Variants in SLX4IP observed in about 807,000 individuals in gnomAD.
SLX4IP encodes protein SLX4IP.
A neutral mutation model predicts 32.9 loss-of-function variants in SLX4IP; 34 were observed. The ratio of observed to expected loss-of-function variants is 1.03; its 90% confidence interval spans 0.79 to 1.38. The LOEUF (loss-of-function observed/expected upper bound fraction) is 1.38. Among genes scored for constraint, SLX4IP ranks in the 40% most tolerant of loss-of-function variants. The pLI, the probability that SLX4IP is intolerant of heterozygous loss-of-function variation, is 0.00. For missense variants in SLX4IP, 444 were observed against 479.0 expected, an observed-to-expected ratio of 0.93 and a Z score of 0.68; for synonymous variants, 172 against 171.7, an observed-to-expected ratio of 1.00 and a Z score of -0.01.
Position 10,626,684 on chromosome 20 carries a change from G to T in SLX4IP, c.*3305G>T, listed in dbSNP as rs1030507298. 2.6e-5 allele frequency: 4 copies of T among 152,156 alleles called. No homozygotes were observed. The highest frequency in any genetic ancestry group is 1.9e-4 in the East Asian group (1 of 5,194). 9.4% of individuals were successfully genotyped at this position (152,156 alleles called of 1,614,324 possible). ...CATTTTCTTATCTTTGCCACTGGAG[G>T]TTAACTGTCGTCCAGATATGCATAT... On this transcript the variant is annotated 3_prime_UTR_variant, in exon 8 of 8. Coordinates refer to ENST00000334534, the MANE Select transcript of SLX4IP (RefSeq NM_001009608.3).
intron 2 of SLX4IP, among the ~76,000 whole-genome samples, chr20:10,491,071 T>TAA (rs76179946): frequency 4.1e-4 from 62 of 150,706 alleles, no homozygotes; most frequent in Non-Finnish European, 5.3e-4. Context: ...GGCTCCACTT[T>TAA]AAAAAAAAAC....
chr20:10,586,947 G>A (rs764000210), intron 4 of SLX4IP, among the ~76,000 whole-genome samples: 3 of 151,882 alleles, frequency 2.0e-5, no homozygotes, highest in Non-Finnish European at 4.4e-5. Context: ...AGGACAGTTC[G>A]CCCCAAAATT....
At chr20:10,587,829 A>C (rs184342513) in intron 4 of SLX4IP, among the ~76,000 whole-genome samples, 4 of 152,170 alleles carry the variant, frequency 2.6e-5, no homozygotes, top group Non-Finnish European at 5.9e-5. Flanking sequence ...TTTATCTTAT[A>C]CCATACACAA....
rs1568781341 is a variant in SLX4IP, at chr20:10,623,490, T to C, written c.*111T>C. ...TAAAGGAATTAATTAGAATGACTAA[T>C]TTAAATAGGAAGTGTGTTATCTGTG... On this transcript the variant is annotated 3_prime_UTR_variant, in exon 8 of 8. Transcript: ENST00000334534. The C allele has an allele frequency of 9.8e-6, 14 of 1,422,016 alleles. No individual in the cohort carries two copies. Among genetic ancestry groups the C allele is most frequent in the Non-Finnish European group, 1.3e-5 (14 of 1,068,480 alleles). The allele number at this position is 1,422,016 out of a possible 1,614,324, so 88.1% of individuals were successfully genotyped here.
At chr20:10,492,099 C>G (rs1330121762) in intron 2 of SLX4IP, among the ~76,000 whole-genome samples, 1 of 152,168 alleles carries the variant, frequency 6.6e-6, no homozygotes, top group Non-Finnish European at 1.5e-5. Context: ...TTTTATAACT[C>G]TATGCCATTT....
In SLX4IP at chr20:10,613,086, C is replaced by T. The variant is rs189871186; in HGVS notation, c.406-8228C>T. ...TGGGTAGAGAGCCTATTCTAACAGA[C>T]ACGCACATCGCAGAAAGCGGCATGA... is the stretch of plus-strand genomic sequence containing the variant. On this transcript the variant is annotated intron_variant, in intron 6 of 7. Transcript: ENST00000334534. 4 of 303,674 alleles carry T rather than the reference C, an allele frequency of 1.3e-5. No homozygotes were observed. In the East Asian group the frequency reaches 3.5e-4, roughly 27 times the overall value. 18.8% of individuals were successfully genotyped at this position (303,674 alleles called of 1,614,324 possible).
chr20:10,580,295 G>A (rs563044189), intron 4 of SLX4IP, among the ~76,000 whole-genome samples: 1 of 152,000 alleles, frequency 6.6e-6, no homozygotes, highest in African/African-American at 2.4e-5. Context: ...TGAACTCTAG[G>A]CGTCAGTCTA....
At chr20:10,455,561 C>G (rs566160398) in intron 1 of SLX4IP, among the ~76,000 whole-genome samples, 1 of 151,112 alleles carries the variant, frequency 6.6e-6, no homozygotes, top group South Asian at 2.1e-4. Context: ...CAATTTTATT[C>G]CAATTGACCT....
At chr20:10,545,647 A>G (rs1435094258) in intron 2 of SLX4IP, among the ~76,000 whole-genome samples, 1 of 152,160 alleles carries the variant, frequency 6.6e-6, no homozygotes, top group Non-Finnish European at 1.5e-5. Flanking sequence ...AAAAATTACC[A>G]CTGTGGGGGG....
chr20:10,452,680 A>AAAAT lies in SLX4IP; in HGVS notation c.-29-5495_-29-5494insAATA, dbSNP rs1326662021. On this transcript the variant is annotated intron_variant, in intron 1 of 7. Coordinates refer to ENST00000334534, the MANE Select transcript of SLX4IP (RefSeq NM_001009608.3). ...AAACTGTCTCAAAAAAAAAAAAAAAAATATATATATATATATGTAAATTAG... is the reference window on the plus strand; with the variant it reads ...AAACTGTCTCAAAAAAAAAAAAAAAAAAATATATATATATATATATGTAAATTAG... Among the ~76,000 whole-genome samples, 1,073 of 109,446 alleles carry AAAAT rather than the reference A, an allele frequency of 9.8e-3. 15 individuals are homozygous for AAAAT. Among genetic ancestry groups the AAAAT allele is most frequent in the Non-Finnish European group, 0.015 (810 of 55,284 alleles). The allele number at this position is 109,446 out of a possible 152,430, so 71.8% of individuals were successfully genotyped here. A position where few individuals can be genotyped will look rare whatever the true frequency, so the allele number is the denominator to read the frequency against.
intron 6 of SLX4IP, among the ~76,000 whole-genome samples, chr20:10,604,407 T>C (rs1053333875): frequency 5.9e-5 from 9 of 152,196 alleles, no homozygotes; most frequent in Non-Finnish European, 1.3e-4. Flanking sequence ...ATCTTTTTTT[T>C]TGGATTCTCA....
At chr20:10,607,401 T>G (rs1165013731) in intron 6 of SLX4IP, among the ~76,000 whole-genome samples, 1 of 152,204 alleles carries the variant, frequency 6.6e-6, no homozygotes, top group Non-Finnish European at 1.5e-5. Flanking sequence ...AGTAGAAAGA[T>G]TAGTGGGACA....
At chr20:10,456,006 A>G (rs1243853168) in intron 1 of SLX4IP, among the ~76,000 whole-genome samples, 2 of 152,194 alleles carry the variant, frequency 1.3e-5, no homozygotes, top group African/African-American at 4.8e-5. Context: ...CTGAATGCCA[A>G]CATAATGCCA....
intron 4 of SLX4IP, among the ~76,000 whole-genome samples, chr20:10,578,627 C>A (rs1255879222): frequency 1.3e-5 from 2 of 152,164 alleles, no homozygotes; most frequent in Non-Finnish European, 2.9e-5. Context: ...CATTCTGTAC[C>A]TGTATGTTTA....
chr20:10,525,597 TA>T (rs2065934404), intron 2 of SLX4IP, among the ~76,000 whole-genome samples: 1 of 152,242 alleles, frequency 6.6e-6, no homozygotes, highest in Admixed American at 6.5e-5. Flanking sequence ...TTTGGCGGAT[TA>T]GGGGGTGTTA....
Position 10,624,088 on chromosome 20 carries a change from A to G in SLX4IP, c.*709A>G, listed in dbSNP as rs1021150165. ...TCGGACTCCCTCAAACTCGTAAAAC[A>G]CTTGGGTTTGGTGTATGGGTCACTC... On this transcript the variant is annotated 3_prime_UTR_variant, in exon 8 of 8. Coordinates refer to ENST00000334534, the MANE Select transcript of SLX4IP (RefSeq NM_001009608.3). The G allele has an allele frequency of 6.6e-6, 1 of 152,120 alleles. No individual in the cohort carries two copies. Among genetic ancestry groups the G allele is most frequent in the Admixed American group, 6.5e-5 (1 of 15,270 alleles). 9.4% of individuals were successfully genotyped at this position (152,120 alleles called of 1,614,324 possible).
chr20:10,491,338 T>C (rs1017864838), intron 2 of SLX4IP, among the ~76,000 whole-genome samples: 2 of 152,196 alleles, frequency 1.3e-5, no homozygotes, highest in South Asian at 4.1e-4. Flanking sequence ...CCTGTTTTTT[T>C]CTCATATTCT....
chr20:10,574,066 CTG>C (rs2066495827), intron 4 of SLX4IP, among the ~76,000 whole-genome samples: 1 of 152,184 alleles, frequency 6.6e-6, no homozygotes, highest in Non-Finnish European at 1.5e-5. Context: ...TTCTCAAAAA[CTG>C]GGGAAACTTC....
At chr20:10,518,390 C>T (rs879679134) in intron 2 of SLX4IP, among the ~76,000 whole-genome samples, 22,315 of 118,120 alleles carry the variant, frequency 0.19, 3,276 homozygotes, top group Admixed American at 0.26. Context: ...TTTCCTTCTT[C>T]CTTTCTTTCT....
Sources: gnomAD v4.1 joint callset for allele counts (sites outside exome capture counted in the v4.1 genomes callset) on GRCh38, gnomAD v4.1.1 for gene constraint, MANE v1.5 for transcripts, NCBI Gene and HGNC (gene_info 2026-07-23, HGNC 2026-07-21) for gene names.